RFX2: variants seen among roughly 807,000 people sequenced by gnomAD.
RFX2 encodes the protein regulatory factor X2.
RFX2 carries 20 observed loss-of-function variants against 87.8 expected under a neutral mutation model. The ratio of observed to expected loss-of-function variants is 0.23; its 90% confidence interval spans 0.16 to 0.33. The LOEUF (loss-of-function observed/expected upper bound fraction) is 0.33. Ranked by LOEUF, RFX2 falls within the 10% of genes least tolerant of loss-of-function variation. The probability of loss-of-function intolerance (pLI) is 1.00; values close to 1 mark genes in which losing one functional copy is unlikely to be tolerated. For missense variants in RFX2, 767 were observed against 1,012.3 expected (o/e 0.76, Z 3.29); for synonymous variants, 397 against 431.3 (o/e 0.92, Z 0.98).
At chr19:6,033,813 C>T (rs764467394) in intron 5 of RFX2, among the ~76,000 whole-genome samples, 10 of 151,852 alleles carry the variant, frequency 6.6e-5, no homozygotes, top group Non-Finnish European at 1.3e-4. Flanking sequence ...AACTGCACCA[C>T]AAAGGGAACT....
rs138436876 is a variant in RFX2, at chr19:6,071,387, A to AGTGATC, written c.-8-23889_-8-23884dup. On this transcript the variant is annotated intron_variant, in intron 1 of 17. Coordinates refer to ENST00000303657, the MANE Select transcript of RFX2 (RefSeq NM_000635.4). Reference sequence around the variant, plus strand: ...GGGAAAGATCCTGTCGGTACTTTTAAGTGATCGTCTATCTTTGAGGCACAG... The same window carrying AGTGATC: ...GGGAAAGATCCTGTCGGTACTTTTAAGTGATCGTGATCGTCTATCTTTGAGGCACAG... Among the ~76,000 whole-genome samples, 907 of 152,290 alleles carry AGTGATC rather than the reference A, an allele frequency of 6.0e-3. 11 individuals are homozygous for AGTGATC. Among genetic ancestry groups the AGTGATC allele is most frequent in the African/African-American group, 0.021 (858 of 41,552 alleles).
At position 6,059,726 on chromosome 19, in the gene RFX2, C is replaced by CACATAT. The variant is rs562333595; in HGVS notation, c.-8-12228_-8-12223dup. On this transcript the variant is annotated intron_variant, in intron 1 of 17. Coordinates refer to ENST00000303657, the MANE Select transcript of RFX2 (RefSeq NM_000635.4). ...ATATACACAAATATACATGGACATA[C>CACATAT]ACATATACACAAACACACACACACA... Among the ~76,000 whole-genome samples the CACATAT allele has an allele frequency of 1.4e-4, 22 of 151,800 alleles. No homozygotes were observed. In the South Asian group the frequency reaches 4.2e-3, roughly 29 times the overall value.
Position 6,074,362 on chromosome 19 carries a change from T to C in RFX2, c.-8-26858A>G, listed in dbSNP as rs1281838064. 2.0e-5 allele frequency among the ~76,000 whole-genome samples: 3 copies of C among 152,170 alleles called. No individual in the cohort carries two copies. Among genetic ancestry groups the C allele is most frequent in the African/African-American group, 7.2e-5 (3 of 41,442 alleles). ...CGAGAAGAGAAGGTGGGCTAGAACC[T>C]TTCCACCTTCCTCTTAGCACCCGGC... On this transcript the variant is annotated intron_variant, in intron 1 of 17. Transcript: ENST00000303657. This position sits in a 1 kb window ranked among gnomAD's most constrained non-coding sequence, Gnocchi z 5.2.
chr19:6,020,449 G>A lies in RFX2; in HGVS notation c.598-4178C>T, dbSNP rs1011716435. On this transcript the variant is annotated intron_variant, in intron 6 of 17. Transcript: ENST00000303657. This position sits in a 1 kb window ranked among gnomAD's most constrained non-coding sequence, Gnocchi z 5.3. ...CGCGTCTATTTCCTCCCTCTTCTGT[G>A]TTGATGAACTTCTGGGAGGAGAATG... 8 of 152,176 alleles carry A rather than the reference G, an allele frequency of 5.3e-5. No individual in the cohort carries two copies. Among genetic ancestry groups the A allele is most frequent in the African/African-American group, 1.9e-4 (8 of 41,424 alleles). The allele number at this position is 152,176 out of a possible 1,614,324, so 9.4% of individuals were successfully genotyped here.
intron 1 of RFX2, chr19:6,077,200 G>A (rs2087704715): frequency 6.6e-6 from 1 of 152,182 alleles, no homozygotes; most frequent in Non-Finnish European, 1.5e-5. Flanking sequence ...AATCTCTTTA[G>A]TTCTCCAAAA....
Position 6,093,654 on chromosome 19 carries a change from CAGG to C in RFX2, c.-9+16736_-9+16738del, listed in dbSNP as rs753928675. On this transcript the variant is annotated intron_variant, in intron 1 of 17. Coordinates refer to ENST00000303657, the MANE Select transcript of RFX2 (RefSeq NM_000635.4). ...CAGTAGAAAGTGATAAGGAAAGATACAGGCTAAATATTAGGTAAAAGAGCAGGT... is the reference window on the plus strand; with the variant it reads ...CAGTAGAAAGTGATAAGGAAAGATACCTAAATATTAGGTAAAAGAGCAGGT... 2.3e-4 allele frequency among the ~76,000 whole-genome samples: 35 copies of C among 151,432 alleles called. 1 individual carries two copies. The highest frequency in any genetic ancestry group is 4.1e-4 in the Non-Finnish European group (28 of 67,912).
intron 5 of RFX2, among the ~76,000 whole-genome samples, chr19:6,038,252 G>C (rs866689517): frequency 1.3e-5 from 2 of 150,450 alleles, no homozygotes; most frequent in African/African-American, 4.9e-5. Flanking sequence ...GCTTGAACCC[G>C]GGAGGTGGAG....
chr19:6,089,813 C>T (rs75645001), intron 1 of RFX2, among the ~76,000 whole-genome samples: 4,147 of 152,254 alleles, frequency 0.027, 156 homozygotes, highest in African/African-American at 0.081. Context: ...TTCCCTCCAC[C>T]ACCCTGTGTA....
chr19:6,097,725 A>C (rs1041236191), intron 1 of RFX2, among the ~76,000 whole-genome samples: 1 of 152,062 alleles, frequency 6.6e-6, no homozygotes, highest in African/African-American at 2.4e-5. Context: ...TGGGACTACA[A>C]GTGTGCACCA....
chr19:6,044,951 G>A lies in RFX2; in HGVS notation c.91-669C>T, dbSNP rs766858814. Among the ~76,000 whole-genome samples the A allele has an allele frequency of 3.3e-5, 5 of 152,224 alleles. No homozygotes were observed. The highest frequency in any genetic ancestry group is 2.1e-4 in the South Asian group (1 of 4,826). On this transcript the variant is annotated intron_variant, in intron 2 of 17. Transcript: ENST00000303657. The surrounding 1 kb of genome is among the most constrained non-coding windows in gnomAD (Gnocchi z 5.3). ...GCTTTGCTATTTTTCTGGGAGTACC[G>A]ATTGGCCACACAAAGCTATCAAAAT...
In RFX2 at chr19:6,013,494, CT is replaced by C. The variant is rs59750158; in HGVS notation, c.780-390del. On this transcript the variant is annotated intron_variant, in intron 7 of 17. Coordinates refer to ENST00000303657, the MANE Select transcript of RFX2 (RefSeq NM_000635.4). This position sits in a 1 kb window ranked among gnomAD's most constrained non-coding sequence, Gnocchi z 4.1. ...AGCCACTGCGCCTGGCCTCTTCTCT[CT>C]TTTTTTTTTTTTTCAGAAACAGGGT... Among the ~76,000 whole-genome samples the C allele has an allele frequency of 1.7e-3, 239 of 141,118 alleles. No individual in the cohort carries two copies. Among genetic ancestry groups the C allele is most frequent in the Middle Eastern group, 3.8e-3 (1 of 260 alleles). The allele number at this position is 141,118 out of a possible 152,430, so 92.6% of individuals were successfully genotyped here.
rs542004697 is a variant in RFX2 at position 6,022,595 on chromosome 19, C to T, written c.597+3568G>A. Among the ~76,000 whole-genome samples, 12 of 152,360 alleles carry T rather than the reference C, an allele frequency of 7.9e-5. No individual in the cohort carries two copies. In the South Asian group the frequency reaches 2.1e-3, roughly 26 times the overall value. The stretch of plus-strand genomic sequence containing the variant: ...GCTCAAGTCGGTGGCCTGCCACACC[C>T]GGTCGGGTGAAGACATGTTTCATCC... On this transcript the variant is annotated intron_variant, in intron 6 of 17. Transcript: ENST00000303657. The surrounding 1 kb of genome is among the most constrained non-coding windows in gnomAD (Gnocchi z 6.2).
At chr19:6,078,579 G>T (rs2087729635) in intron 1 of RFX2, among the ~76,000 whole-genome samples, 1 of 151,974 alleles carries the variant, frequency 6.6e-6, no homozygotes, top group Non-Finnish European at 1.5e-5. Flanking sequence ...AATTTATGTT[G>T]AAAAAACCCC....
Position 6,074,682 on chromosome 19 carries a change from T to C in RFX2, c.-8-27178A>G, listed in dbSNP as rs1445269759. On this transcript the variant is annotated intron_variant, in intron 1 of 17. Coordinates refer to ENST00000303657, the MANE Select transcript of RFX2 (RefSeq NM_000635.4). The surrounding 1 kb of genome is among the most constrained non-coding windows in gnomAD (Gnocchi z 5.2). ...TGCTCTGAAGAAAAATACACTCAAA[T>C]GCACAAGTGGAGTGCGGCATGGGCC... Among the ~76,000 whole-genome samples the C allele has an allele frequency of 6.6e-6, 1 of 152,144 alleles. No individual in the cohort carries two copies. Among genetic ancestry groups the C allele is most frequent in the Admixed American group, 6.5e-5 (1 of 15,272 alleles).
At chr19:6,037,512 C>T (rs1276944013) in intron 5 of RFX2, among the ~76,000 whole-genome samples, 1 of 152,046 alleles carries the variant, frequency 6.6e-6, no homozygotes, top group East Asian at 1.9e-4. Flanking sequence ...TTACAAAATG[C>T]TGATGAAAGA....
Position 6,027,141 on chromosome 19 carries a change from T to C in RFX2, c.523-904A>G, listed in dbSNP as rs1185078557. On this transcript the variant is annotated intron_variant, in intron 5 of 17. Transcript: ENST00000303657. This position sits in a 1 kb window ranked among gnomAD's most constrained non-coding sequence, Gnocchi z 5.0. ...GAGGAGATGAACTTGAAGTATATGC[T>C]TCCTTTCTTAAGGAGGCCAAAGACT... 1 of 152,228 alleles carries C rather than the reference T, an allele frequency of 6.6e-6. No individual in the cohort carries two copies. The highest frequency in any genetic ancestry group is 1.5e-5 in the Non-Finnish European group (1 of 68,066). 9.4% of individuals were successfully genotyped at this position (152,228 alleles called of 1,614,324 possible). A position where few individuals can be genotyped will look rare whatever the true frequency, so the allele number is the denominator to read the frequency against.
Position 6,007,651 on chromosome 19 carries a change from C to T in RFX2, c.1247+39G>A, listed in dbSNP as rs570762471. Reference sequence around the variant, plus strand: ...TGTGGACGTCAGCAGGGGGTTAAGTCTGGGGTGGCTGTGAACCCAGCCAGG... The same window carrying T: ...TGTGGACGTCAGCAGGGGGTTAAGTTTGGGGTGGCTGTGAACCCAGCCAGG... On this transcript the variant is annotated intron_variant, in intron 11 of 17. Transcript: ENST00000303657. The surrounding 1 kb of genome is among the most constrained non-coding windows in gnomAD (Gnocchi z 8.2). 1.2e-4 allele frequency: 150 copies of T among 1,267,472 alleles called. No homozygotes were observed. In the South Asian group the frequency reaches 1.8e-3, roughly 16 times the overall value. The allele number at this position is 1,267,472 out of a possible 1,614,324, so 78.5% of individuals were successfully genotyped here.
At position 6,017,445 on chromosome 19, in the gene RFX2, C is replaced by T. The variant is rs1431783209; in HGVS notation, c.598-1174G>A. 6.6e-6 allele frequency among the ~76,000 whole-genome samples: 1 copy of T among 152,246 alleles called. No homozygotes were observed. Among genetic ancestry groups the T allele is most frequent in the Non-Finnish European group, 1.5e-5 (1 of 68,046 alleles). ...GACTGCGGCTTAATTCTGGTTTCCACCTCTCCCTCTGCTATCGTCTGTCCC... is the reference window on the plus strand; with the variant it reads ...GACTGCGGCTTAATTCTGGTTTCCATCTCTCCCTCTGCTATCGTCTGTCCC... On this transcript the variant is annotated intron_variant, in intron 6 of 17. Transcript: ENST00000303657. This position sits in a 1 kb window ranked among gnomAD's most constrained non-coding sequence, Gnocchi z 4.1.
rs77657770 is a variant in RFX2, at chr19:6,083,951, C to A, written c.-9+26442G>T. Among the ~76,000 whole-genome samples, 3,448 of 152,224 alleles carry A rather than the reference C, an allele frequency of 0.023. 139 individuals carry two copies. The highest frequency in any genetic ancestry group is 0.079 in the African/African-American group (3,287 of 41,512). On this transcript the variant is annotated intron_variant, in intron 1 of 17. Transcript: ENST00000303657. The surrounding 1 kb of genome is among the most constrained non-coding windows in gnomAD (Gnocchi z 4.6). Reference sequence around the variant, plus strand: ...AGGTTGCTTTACATTCTCTTCCCAGCCCCAGATCTCCAAATACAGGAGATG... The same window carrying A: ...AGGTTGCTTTACATTCTCTTCCCAGACCCAGATCTCCAAATACAGGAGATG...
Sources: gnomAD v4.1 joint callset for allele counts (sites outside exome capture counted in the v4.1 genomes callset) on GRCh38, gnomAD v4.1.1 for gene constraint, Gnocchi (gnomAD v3.1) non-coding constraint, MANE v1.5 for transcripts, NCBI Gene and HGNC (gene_info 2026-07-23, HGNC 2026-07-21) for gene names.